TTF2: variants seen among roughly 807,000 people sequenced by gnomAD.
The protein encoded by TTF2 is RNA polymerase II termination factor.
A neutral mutation model predicts 142.4 loss-of-function variants in TTF2; 108 were observed. The ratio of observed to expected loss-of-function variants is 0.76; its 90% CI spans 0.65 to 0.89. The LOEUF is 0.89. Among genes scored for constraint, TTF2 ranks in the 40% least tolerant of loss-of-function variants. The pLI is 0.00. For synonymous variants in TTF2, 483 were observed against 506.2 expected (o/e 0.95, Z 0.61); for missense variants, 1,327 against 1,379.8 (o/e 0.96, Z 0.61).
In TTF2 at chr1:117,079,887, A is replaced by G. The variant is rs554399229; in HGVS notation, c.1783+238A>G. On this transcript the variant is annotated intron_variant, in intron 9 of 22. Coordinates refer to ENST00000369466, the MANE Select transcript of TTF2 (RefSeq NM_003594.4). The surrounding 1 kb of genome is among the most constrained non-coding windows in gnomAD (Gnocchi z 4.2). Reference sequence around the variant, plus strand: ...AAGCTGACTCTGGCTGATTAAAGAGAGGAGGAGTTTATTTTTTGGTGGCTC... The same window carrying G: ...AAGCTGACTCTGGCTGATTAAAGAGGGGAGGAGTTTATTTTTTGGTGGCTC... Among the ~76,000 whole-genome samples, 40 of 152,266 alleles carry G rather than the reference A, an allele frequency of 2.6e-4. No individual in the cohort carries two copies. Among genetic ancestry groups the G allele is most frequent in the African/African-American group, 9.6e-4 (40 of 41,550 alleles).
Position 117,106,209 on chromosome 1 carries a change from A to G in TTF2, c.*4685A>G, listed in dbSNP as rs763287361. Reference sequence around the variant, plus strand: ...AAAATGTCTTCATAACTACAAATGAAATCAGGGTCATTTATAGTACAAACT... The same window carrying G: ...AAAATGTCTTCATAACTACAAATGAGATCAGGGTCATTTATAGTACAAACT... On this transcript the variant is annotated 3_prime_UTR_variant, in exon 23 of 23. Coordinates refer to ENST00000369466, the MANE Select transcript of TTF2 (RefSeq NM_003594.4). 4 of 152,154 alleles carry G rather than the reference A, an allele frequency of 2.6e-5. No individual in the cohort carries two copies. Among genetic ancestry groups the G allele is most frequent in the Non-Finnish European group, 4.4e-5 (3 of 68,020 alleles). 9.4% of individuals were successfully genotyped at this position (152,154 alleles called of 1,614,324 possible).
In TTF2 at chr1:117,105,503, G is replaced by C. The variant is rs1385096362; in HGVS notation, c.*3979G>C. 6.6e-6 allele frequency: 1 copy of C among 152,238 alleles called. No homozygotes were observed. The highest frequency in any genetic ancestry group is 1.5e-5 in the Non-Finnish European group (1 of 68,114). The allele number at this position is 152,238 out of a possible 1,614,324, so 9.4% of individuals were successfully genotyped here. On this transcript the variant is annotated 3_prime_UTR_variant, in exon 23 of 23. Coordinates refer to ENST00000369466, the MANE Select transcript of TTF2 (RefSeq NM_003594.4). This position sits in a 1 kb window ranked among gnomAD's most constrained non-coding sequence, Gnocchi z 4.7. ...AGGCTGAGGCAGGCAGATCACTTGAGGCCAAGAGTTCGAGACCAGACTGGC... is the reference window on the plus strand; with the variant it reads ...AGGCTGAGGCAGGCAGATCACTTGACGCCAAGAGTTCGAGACCAGACTGGC...
intron 3 of TTF2, among the ~76,000 whole-genome samples, chr1:117,069,982 G>A (rs1656450712): frequency 6.6e-6 from 1 of 152,158 alleles, no homozygotes. Context: ...TGCTTTCTCT[G>A]CGAAAATATA....
intron 16 of TTF2, 79 bp from the exon 17 acceptor site, chr1:117,091,738 C>A: frequency 6.6e-7 from 1 of 1,513,594 alleles, no homozygotes; most frequent in Non-Finnish European, 8.9e-7. Flanking sequence ...GTTAAAGTAG[C>A]CCCATGTAGT....
chr1:117,107,429 T>C lies in TTF2; in HGVS notation c.*5905T>C, dbSNP rs1650028394. 6.6e-6 allele frequency: 1 copy of C among 152,196 alleles called. No individual in the cohort carries two copies. Among genetic ancestry groups the C allele is most frequent in the African/African-American group, 2.4e-5 (1 of 41,446 alleles). 9.4% of individuals were successfully genotyped at this position (152,196 alleles called of 1,614,324 possible). ...CAATCACTGAAACCTCCAACTGAAA[T>C]AAATGGTAAGCTTTTTGTTCTCAAT... is the stretch of plus-strand genomic sequence containing the variant. On this transcript the variant is annotated 3_prime_UTR_variant, in exon 23 of 23. Coordinates refer to ENST00000369466, the MANE Select transcript of TTF2 (RefSeq NM_003594.4).
rs758428879 is a variant in TTF2 at position 117,076,345 on chromosome 1, G to T, written c.1390+51G>T. ...CCGGGTTTGCATCGACTTTACAAGA[G>T]ACATTCGGGAAGCCCTTTTAATAAA... On this transcript the variant is annotated intron_variant, in intron 6 of 22. Coordinates refer to ENST00000369466, the MANE Select transcript of TTF2 (RefSeq NM_003594.4). The surrounding 1 kb of genome is among the most constrained non-coding windows in gnomAD (Gnocchi z 4.6). 7.0e-7 allele frequency: 1 copy of T among 1,425,722 alleles called. No individual in the cohort carries two copies. The highest frequency in any genetic ancestry group is 9.7e-7 in the Non-Finnish European group (1 of 1,028,318). The allele number at this position is 1,425,722 out of a possible 1,614,324, so 88.3% of individuals were successfully genotyped here. A position where few individuals can be genotyped will look rare whatever the true frequency, so the allele number is the denominator to read the frequency against.
chr1:117,098,893 T>G lies in TTF2; in HGVS notation c.3330T>G (p.Asp1110Glu). ...DRIYRVGQQK[D>E]VVIHRFVCEG... ...TTTACCGAGTAGGGCAGCAGAAAGA[T>G]GTTGTCATACACAGGTAAGTAATGG... Residue 1110 changes from aspartate (D) to glutamate (E), a missense_variant, in exon 22 of 23, where the codon GAT becomes GAG. Transcript: ENST00000369466. 2 of 1,612,976 alleles carry G rather than the reference T, an allele frequency of 1.2e-6. No homozygotes were observed. Among genetic ancestry groups the G allele is most frequent in the Non-Finnish European group, 1.7e-6 (2 of 1,179,684 alleles).
At position 117,073,910 on chromosome 1, in the gene TTF2, A is replaced by T. The variant is rs1417744027; in HGVS notation, c.285+183A>T. Among the ~76,000 whole-genome samples the T allele has an allele frequency of 6.6e-6, 1 of 152,230 alleles. No individual in the cohort carries two copies. The highest frequency in any genetic ancestry group is 3.2e-3 in the Middle Eastern group (1 of 316). ...TTTATTCAAAGGATCATTTAGTCGT[A>T]ATCAAGATTAATTATTTGCATCCTA... On this transcript the variant is annotated intron_variant, in intron 4 of 22. Coordinates refer to ENST00000369466, the MANE Select transcript of TTF2 (RefSeq NM_003594.4). This position sits in a 1 kb window ranked among gnomAD's most constrained non-coding sequence, Gnocchi z 4.4.
rs73006051 is a variant in TTF2, at chr1:117,096,350, A to G, written c.3186+51A>G. 1,456 of 1,578,342 alleles carry G rather than the reference A, an allele frequency of 9.2e-4. 14 individuals are homozygous for G. The African/African-American group carries it at 0.018, about 20-fold the overall frequency. ...CATAATTAACTGTTCTGAGTTATACAAAGAGAATTCTTTTTGTTTGGTTGG... is the reference window on the plus strand; with the variant it reads ...CATAATTAACTGTTCTGAGTTATACGAAGAGAATTCTTTTTGTTTGGTTGG... On this transcript the variant is annotated intron_variant, in intron 20 of 22. Transcript: ENST00000369466.
At position 117,085,835 on chromosome 1, in the gene TTF2, A is replaced by G. The variant is rs954129278; in HGVS notation, c.2055-582A>G. 6.6e-6 allele frequency among the ~76,000 whole-genome samples: 1 copy of G among 152,186 alleles called. No individual in the cohort carries two copies. Among genetic ancestry groups the G allele is most frequent in the African/African-American group, 2.4e-5 (1 of 41,442 alleles). On this transcript the variant is annotated intron_variant, in intron 11 of 22. Transcript: ENST00000369466. This position sits in a 1 kb window ranked among gnomAD's most constrained non-coding sequence, Gnocchi z 4.7. ...TCATTAATAATCTTTATATGTAAGG[A>G]GTATAAGCAAGATACACTGAAAGCT...
rs754785711 is a variant in TTF2 at position 117,090,089 on chromosome 1, C to T, written c.2377C>T (p.Leu793=). The change falls in exon 14 of 23, where the codon CTG becomes TTG. Residue 793 remains leucine (L), a synonymous_variant. Coordinates refer to ENST00000369466, the MANE Select transcript of TTF2 (RefSeq NM_003594.4). The surrounding 1 kb of genome is among the most constrained non-coding windows in gnomAD (Gnocchi z 4.8). ...TTGCTCTCCATTTGATGAGTTCAAT[C>T]TGTGGAGGAGTCAGGTTGACAATGG... The part of the protein sequence containing the change: ...LRCSPFDEFN[L]WRSQVDNGSK... 1 of 1,613,978 alleles carries T rather than the reference C, an allele frequency of 6.2e-7. No individual in the cohort carries two copies. The highest frequency in any genetic ancestry group is 2.2e-5 in the East Asian group (1 of 44,876).
At chr1:117,068,541 A>T (rs2101342398) in intron 3 of TTF2, among the ~76,000 whole-genome samples, 1 of 150,574 alleles carries the variant, frequency 6.6e-6, no homozygotes, top group South Asian at 2.1e-4. Flanking sequence ...CTTAAAGTGT[A>T]ATAAAAAAAA....
chr1:117,064,267 T>A (rs938207689), intron 3 of TTF2, among the ~76,000 whole-genome samples: 1 of 151,814 alleles, frequency 6.6e-6, no homozygotes, highest in Non-Finnish European at 1.5e-5. Context: ...CACTTGAGAT[T>A]AGGAGTTTGA....
At chr1:117,094,842 G>T in intron 18 of TTF2, 1 of 351,994 alleles carries the variant, frequency 2.8e-6, no homozygotes, top group Admixed American at 4.2e-5. Flanking sequence ...TAGTACTTGG[G>T]CAGTGGGCAC....
chr1:117,081,108 T>C (rs554916636), intron 9 of TTF2, among the ~76,000 whole-genome samples: 20 of 152,356 alleles, frequency 1.3e-4, no homozygotes, highest in African/African-American at 4.8e-4. Context: ...GGCAACCTTG[T>C]AAGCAGGCCT....
chr1:117,074,120 T>C (rs1355571922), intron 4 of TTF2, among the ~76,000 whole-genome samples: 2 of 152,114 alleles, frequency 1.3e-5, no homozygotes, highest in Admixed American at 6.5e-5. Context: ...CATCTCCTAA[T>C]AGGAGAAGCC....
chr1:117,072,759 T>A (rs928371685), intron 3 of TTF2, among the ~76,000 whole-genome samples: 1 of 152,126 alleles, frequency 6.6e-6, no homozygotes, highest in Non-Finnish European at 1.5e-5. Context: ...ATTTGTATGT[T>A]TTAGAGAAGG....
chr1:117,077,927 C>A lies in TTF2; in HGVS notation c.1585C>A (p.Gln529Lys). ...SSQCYRGHTN[Q>K]DHVHAVWKIT... ...CTATTTGTATGCAGGCCATACAAAC[C>A]AAGATCACGTTCATGCAGTGTGGAA... Residue 529 changes from glutamine to lysine, a missense_variant, in exon 8 of 23, where the codon CAA (glutamine) becomes AAA (lysine). Coordinates refer to ENST00000369466, the MANE Select transcript of TTF2 (RefSeq NM_003594.4). 2 of 1,614,110 alleles carry A rather than the reference C, an allele frequency of 1.2e-6. No homozygotes were observed. Among genetic ancestry groups the A allele is most frequent in the South Asian group, 2.2e-5 (2 of 91,056 alleles).
In TTF2 at chr1:117,075,026, G is replaced by A; in HGVS notation, c.442G>A (p.Glu148Lys). 1 of 1,613,988 alleles carries A rather than the reference G, an allele frequency of 6.2e-7. No homozygotes were observed. The highest frequency in any genetic ancestry group is 8.5e-7 in the Non-Finnish European group (1 of 1,180,010). Residue 148 changes from glutamate to lysine, a missense_variant, in exon 5 of 23, where the codon GAA becomes AAA. Physicochemically the swap from Glu to Lys is moderately conservative, Grantham distance 56 (BLOSUM62 1). Coordinates refer to ENST00000369466, the MANE Select transcript of TTF2 (RefSeq NM_003594.4). This position sits in a 1 kb window ranked among gnomAD's most constrained non-coding sequence, Gnocchi z 4.5. ...WKQLIKGEGE[E>K]KKADKKQREK... ...ACAGCTCATCAAAGGTGAAGGTGAG[G>A]AAAAGAAGGCTGATAAGAAGCAAAG... is the stretch of plus-strand genomic sequence containing the variant.
Sources: allele counts gnomAD v4.1 joint callset (sites outside exome capture counted in the v4.1 genomes callset), GRCh38; gene constraint gnomAD v4.1.1; non-coding constraint Gnocchi (gnomAD v3.1); transcripts MANE v1.5; gene names NCBI Gene and HGNC (gene_info 2026-07-23, HGNC 2026-07-21).